The following LRRN2 variants were observed in gnomAD, a reference collection of about 807,000 sequenced individuals.
LRRN2 encodes leucine-rich repeat neuronal protein 2.
A neutral mutation model predicts 35.7 loss-of-function variants in LRRN2; 10 were observed. The ratio of observed to expected loss-of-function variants is 0.28; its 90% confidence interval spans 0.17 to 0.47. LRRN2 has a LOEUF of 0.47. Among genes scored for constraint, LRRN2 ranks in the 20% least tolerant of loss-of-function variants. LRRN2 has a pLI of 0.99. For synonymous variants in LRRN2, 391 were observed against 409.6 expected, an observed-to-expected ratio of 0.95 and a Z score of 0.55; for missense variants, 731 against 940.3, an observed-to-expected ratio of 0.78 and a Z score of 2.91.
intron 1 of LRRN2, among the ~76,000 whole-genome samples, chr1:204,636,351 C>A (rs1326135632): frequency 1.3e-5 from 2 of 152,206 alleles, no homozygotes; most frequent in African/African-American, 4.8e-5. Flanking sequence ...GAAGGATGAT[C>A]ATGGACTTAA....
chr1:204,638,220 A>G (rs1296366647), intron 1 of LRRN2, among the ~76,000 whole-genome samples: 4 of 151,370 alleles, frequency 2.6e-5, no homozygotes, highest in Admixed American at 1.3e-4. Flanking sequence ...GAGCGCTGTC[A>G]TGGTGATCTG....
At chr1:204,637,822 TC>T (rs1667873397) in intron 1 of LRRN2, among the ~76,000 whole-genome samples, 2 of 152,274 alleles carry the variant, frequency 1.3e-5, no homozygotes, top group South Asian at 4.2e-4. Context: ...AACACCGTGC[TC>T]TTTAAACACA....
intron 1 of LRRN2, among the ~76,000 whole-genome samples, chr1:204,675,383 C>T (rs184052776): frequency 2.0e-5 from 3 of 152,308 alleles, no homozygotes; most frequent in East Asian, 3.9e-4. Flanking sequence ...TGGGTCTCCC[C>T]GGCTTCAAGC....
chr1:204,641,703 G>A (rs1190052128), intron 1 of LRRN2, among the ~76,000 whole-genome samples: 2 of 152,224 alleles, frequency 1.3e-5, no homozygotes, highest in Non-Finnish European at 2.9e-5. Flanking sequence ...TGTAAGTCTA[G>A]CTCTGTGTGA....
intron 1 of LRRN2, chr1:204,633,225 T>A (rs1298669210): frequency 1.3e-5 from 2 of 152,576 alleles, no homozygotes; most frequent in Non-Finnish European, 2.9e-5. Context: ...GCACCTTGTC[T>A]TGGACTTCCC....
chr1:204,679,273 C>T (rs1329668543), intron 1 of LRRN2, among the ~76,000 whole-genome samples: 1 of 152,194 alleles, frequency 6.6e-6, no homozygotes, highest in Non-Finnish European at 1.5e-5. Context: ...TTAAATGTCT[C>T]ACTTCCCACC....
intron 1 of LRRN2, among the ~76,000 whole-genome samples, chr1:204,675,767 C>A (rs1668812457): frequency 6.6e-6 from 1 of 152,250 alleles, no homozygotes; most frequent in South Asian, 2.1e-4. Context: ...TTCTGCCTAC[C>A]ATACATTGAA....
intron 1 of LRRN2, among the ~76,000 whole-genome samples, chr1:204,683,318 CA>C (rs764381255): frequency 1.2e-3 from 177 of 152,016 alleles, no homozygotes; most frequent in Non-Finnish European, 2.0e-3. Context: ...AGAAGCAGGG[CA>C]AAGTGGAGAC....
chr1:204,643,237 C>A (rs1668021848), intron 1 of LRRN2, among the ~76,000 whole-genome samples: 1 of 152,180 alleles, frequency 6.6e-6, no homozygotes, highest in East Asian at 1.9e-4. Flanking sequence ...TAAATGTGTT[C>A]CCCCAGCATC....
chr1:204,629,755 C>T (rs1300955097), intron 1 of LRRN2: 1 of 158,682 alleles, frequency 6.3e-6, no homozygotes, highest in African/African-American at 2.4e-5. Context: ...CAGACTAATA[C>T]ATGCACCATG....
chr1:204,626,850 T>C (rs2102584829), intron 1 of LRRN2: 1 of 152,330 alleles, frequency 6.6e-6, no homozygotes, highest in South Asian at 2.1e-4. Flanking sequence ...TCATACTGCA[T>C]TGTATGCGGC....
rs1402599549 is a variant in LRRN2 at position 204,631,262 on chromosome 1, ATATATATATATATATATATAT to A, written c.-226-11065_-226-11045del. Among the ~76,000 whole-genome samples the A allele has an allele frequency of 1.8e-3, 68 of 37,924 alleles. 4 individuals are homozygous for A. The highest frequency in any genetic ancestry group is 3.1e-3 in the Non-Finnish European group (54 of 17,680). 24.9% of individuals were successfully genotyped at this position (37,924 alleles called of 152,430 possible). A position where few individuals can be genotyped will look rare whatever the true frequency, so the allele number is the denominator to read the frequency against. ...GAGTGATACCTAGAGTGTTCTATAT[ATATATATATATATATATATAT>A]ATATATATATATATATATATGAAGA... On this transcript the variant is annotated intron_variant, in intron 1 of 1. Transcript: ENST00000367177.
At position 204,631,258 on chromosome 1, in the gene LRRN2, ATATATATATATATATAT is replaced by A. The variant is rs1667688599; in HGVS notation, c.-226-11057_-226-11041del. ...AGAAGAGTGATACCTAGAGTGTTCTATATATATATATATATATATATATATATATATATATATATATA... is the reference window on the plus strand; with the variant it reads ...AGAAGAGTGATACCTAGAGTGTTCTAATATATATATATATATATATATATA... On this transcript the variant is annotated intron_variant, in intron 1 of 1. Coordinates refer to ENST00000367177, the MANE Select transcript of LRRN2 (RefSeq NM_201630.2). Among the ~76,000 whole-genome samples the A allele has an allele frequency of 2.5e-3, 99 of 38,968 alleles. 10 individuals carry two copies. The highest frequency in any genetic ancestry group is 0.018 in the Middle Eastern group (2 of 112). The allele number at this position is 38,968 out of a possible 152,430, so 25.6% of individuals were successfully genotyped here.
intron 1 of LRRN2, among the ~76,000 whole-genome samples, chr1:204,643,465 G>A (rs566076806): frequency 4.6e-5 from 7 of 152,150 alleles, no homozygotes; most frequent in South Asian, 4.1e-4. Flanking sequence ...GAAGATGGTG[G>A]GTTGGCCCCT....
chr1:204,641,028 C>G (rs1483338564), intron 1 of LRRN2, among the ~76,000 whole-genome samples: 1 of 149,790 alleles, frequency 6.7e-6, no homozygotes, highest in Non-Finnish European at 1.5e-5. Context: ...CAAAAAACAT[C>G]CTGACAAATA....
chr1:204,627,916 C>T (rs1194162671), intron 1 of LRRN2, among the ~76,000 whole-genome samples: 1 of 152,086 alleles, frequency 6.6e-6, no homozygotes, highest in Non-Finnish European at 1.5e-5. Flanking sequence ...ACAGTGGTAG[C>T]TCAGAGAATA....
intron 1 of LRRN2, among the ~76,000 whole-genome samples, chr1:204,684,435 C>G (rs919861359): frequency 2.0e-5 from 3 of 152,170 alleles, no homozygotes; most frequent in African/African-American, 7.2e-5. Context: ...GGGTAGGGAG[C>G]ACAGTGCTAC....
At chr1:204,639,062 GGGCGATA>G (rs1261827360) in intron 1 of LRRN2, among the ~76,000 whole-genome samples, 1 of 152,238 alleles carries the variant, frequency 6.6e-6, no homozygotes, top group African/African-American at 2.4e-5. Context: ...GCTCTGGAGA[GGGCGATA>G]GGCCTCTAGG....
intron 1 of LRRN2, among the ~76,000 whole-genome samples, chr1:204,650,878 A>G (rs1668208362): frequency 6.6e-6 from 1 of 152,166 alleles, no homozygotes; most frequent in Non-Finnish European, 1.5e-5. Flanking sequence ...CTCGGAAGGA[A>G]TGACAGACAG....
Sources: gnomAD v4.1 joint callset for allele counts (sites outside exome capture counted in the v4.1 genomes callset) on GRCh38, gnomAD v4.1.1 for gene constraint, MANE v1.5 for transcripts, NCBI Gene and HGNC (gene_info 2026-07-23, HGNC 2026-07-21) for gene names.